Variants in PKD1L3 observed in about 807,000 individuals in gnomAD.
The protein encoded by PKD1L3 is polycystin-1-like protein 3.
PKD1L3 carries 239 observed loss-of-function variants against 184.1 expected under a neutral mutation model. The observed-to-expected ratio is 1.30, with a 90% CI of 1.17 to 1.45. The LOEUF (loss-of-function observed/expected upper bound fraction) is 1.45. Among genes scored for constraint, PKD1L3 ranks in the 40% most tolerant of loss-of-function variants. The probability of loss-of-function intolerance (pLI) is 0.00; values close to 1 mark genes in which losing one functional copy is unlikely to be tolerated. For missense variants in PKD1L3, 2,660 were observed against 2,067.2 expected (o/e 1.29, Z -5.56); for synonymous variants, 996 against 778.8 (o/e 1.28, Z -4.64).
chr16:71,998,816 T>A (rs2040875300), intron 1 of PKD1L3, among the ~76,000 whole-genome samples: 1 of 152,184 alleles, frequency 6.6e-6, no homozygotes, highest in Non-Finnish European at 1.5e-5. Context: ...GATAAAAATG[T>A]AGAATTTCCT....
At chr16:71,975,956 T>TC (rs11380455) in intron 11 of PKD1L3, among the ~76,000 whole-genome samples, 107,895 of 148,624 alleles carry the variant, frequency 0.73, 39,078 homozygotes, top group South Asian at 0.85. Flanking sequence ...CTGTTTCTGT[T>TC]CTTTTTTTTT....
At chr16:71,951,455 C>A in intron 19 of PKD1L3, 109 bp downstream of exon 19, 4 of 1,154,070 alleles carry the variant, frequency 3.5e-6, no homozygotes, top group East Asian at 2.6e-5. Context: ...TTAAAACAAC[C>A]AGAAGGTTGT....
intron 12 of PKD1L3, among the ~76,000 whole-genome samples, chr16:71,972,011 T>C (rs1473658473): frequency 1.3e-5 from 2 of 151,078 alleles, no homozygotes; most frequent in African/African-American, 2.4e-5. Context: ...GGACAGGAGA[T>C]CGAGACCATC....
intron 9 of PKD1L3, among the ~76,000 whole-genome samples, chr16:71,978,833 C>T (rs1253627225): frequency 3.3e-5 from 5 of 152,038 alleles, no homozygotes; most frequent in Non-Finnish European, 5.9e-5. Context: ...AGCTATCATG[C>T]CCAGCCGGAT....
chr16:71,962,616 A>G (rs2039326696), intron 16 of PKD1L3, among the ~76,000 whole-genome samples: 1 of 151,914 alleles, frequency 6.6e-6, no homozygotes, highest in Non-Finnish European at 1.5e-5. Context: ...CCTCCCGAGT[A>G]GCTGGGATCA....
Position 71,967,756 on chromosome 16 carries a change from T to C in PKD1L3, c.2286+150A>G, listed in dbSNP as rs939657911. The stretch of plus-strand genomic sequence containing the variant: ...TTGGGATTACAGGCGTGAACCCCCA[T>C]GTGCGGCCCACATGTACAGTTTAGA... On this transcript the variant is annotated intron_variant, in intron 14 of 29. Transcript: ENST00000620267. The C allele has an allele frequency of 1.7e-5, 12 of 687,108 alleles. No homozygotes were observed. In the African/African-American group the frequency reaches 2.0e-4, roughly 11 times the overall value. The allele number at this position is 687,108 out of a possible 1,614,324, so 42.6% of individuals were successfully genotyped here. A position where few individuals can be genotyped will look rare whatever the true frequency, so the allele number is the denominator to read the frequency against.
intron 6 of PKD1L3, among the ~76,000 whole-genome samples, chr16:71,982,665 TGCCTCACTGCA>T (rs1166967462): frequency 6.6e-6 from 1 of 152,066 alleles, no homozygotes; most frequent in East Asian, 1.9e-4. Flanking sequence ...GGTACAATCA[TGCCTCACTGCA>T]GCCTCGAACT....
chr16:71,992,199 T>C (rs964777997), intron 3 of PKD1L3, among the ~76,000 whole-genome samples: 1 of 152,168 alleles, frequency 6.6e-6, no homozygotes, highest in Non-Finnish European at 1.5e-5. Flanking sequence ...TAAAGGACCC[T>C]ACGTACATAA....
chr16:71,957,031 A>G (rs2039075242), intron 16 of PKD1L3, among the ~76,000 whole-genome samples: 1 of 152,234 alleles, frequency 6.6e-6, no homozygotes, highest in Admixed American at 6.5e-5. Context: ...GTTTTTGTAT[A>G]CTATTGAAAT....
chr16:71,958,125 C>T (rs965334626), intron 16 of PKD1L3, among the ~76,000 whole-genome samples: 9 of 152,056 alleles, frequency 5.9e-5, no homozygotes, highest in South Asian at 2.1e-4. Flanking sequence ...CGGTGGCTCA[C>T]GCCTGTAATC....
In PKD1L3 at chr16:71,991,100, G is replaced by A. The variant is rs147581590; in HGVS notation, c.536-771C>T. The A allele has an allele frequency of 6.3e-3, 1,002 of 158,086 alleles. 9 individuals carry two copies. The highest frequency in any genetic ancestry group is 0.021 in the African/African-American group (875 of 41,746). The allele number at this position is 158,086 out of a possible 1,614,324, so 9.8% of individuals were successfully genotyped here. A position where few individuals can be genotyped will look rare whatever the true frequency, so the allele number is the denominator to read the frequency against. On this transcript the variant is annotated intron_variant, in intron 3 of 29. Coordinates refer to ENST00000620267, the MANE Select transcript of PKD1L3 (RefSeq NM_181536.2). Reference sequence around the variant, plus strand: ...AGATGACAGTGATTGATACAGGGACGACCTTGATTGATACAGCATAAGTAT... The same window carrying A: ...AGATGACAGTGATTGATACAGGGACAACCTTGATTGATACAGCATAAGTAT...
At position 71,942,818 on chromosome 16, in the gene PKD1L3, G is replaced by A. The variant is rs767125264; in HGVS notation, c.4066C>T (p.Pro1356Ser). ...TGTACCCCACATTTGCAATGACTGGGCTCCAGGACTGCATTCTTACCTCTG... is the reference window on the plus strand; with the variant it reads ...TGTACCCCACATTTGCAATGACTGGACTCCAGGACTGCATTCTTACCTCTG... ...DYRGKNAVLE[P>S]SHCKCGVQLI... Residue 1356 changes from proline to serine, a missense_variant, in exon 24 of 30, where the codon CCC becomes TCC. Transcript: ENST00000620267. The A allele has an allele frequency of 1.9e-6, 3 of 1,551,464 alleles. No homozygotes were observed. Among genetic ancestry groups the A allele is most frequent in the Non-Finnish European group, 2.6e-6 (3 of 1,146,948 alleles).
chr16:71,998,504 G>A, intron 1 of PKD1L3, 110 bp from the exon 2 acceptor site: 1 of 1,386,898 alleles, frequency 7.2e-7, no homozygotes, highest in African/African-American at 1.5e-5. Context: ...AAGCTGGAGT[G>A]CAGTGGTGTG....
intron 23 of PKD1L3, among the ~76,000 whole-genome samples, chr16:71,943,536 T>G (rs1487087107): frequency 6.8e-5 from 1 of 14,792 alleles, no homozygotes; most frequent in Non-Finnish European, 1.5e-4. Flanking sequence ...AGACTCCGTC[T>G]CAAAAAAAAA....
At chr16:71,937,234 T>C (rs2038211320) in intron 25 of PKD1L3, 58 bp downstream of exon 25, 3 of 1,504,320 alleles carry the variant, frequency 2.0e-6, no homozygotes, top group Non-Finnish European at 2.7e-6. Context: ...TTTTGTAGTC[T>C]GGTAAAGATG....
In PKD1L3 at chr16:71,987,603, T is replaced by A. The variant is rs568580393; in HGVS notation, c.586-1134A>T. Among the ~76,000 whole-genome samples, 7 of 151,516 alleles carry A rather than the reference T, an allele frequency of 4.6e-5. No individual in the cohort carries two copies. The East Asian group carries it at 7.9e-4, about 17-fold the overall frequency. ...GTTGCCCAGGCTGGTCTCAAACTCC[T>A]GACCTCAAGTGATCCGCCACCTCGG... On this transcript the variant is annotated intron_variant, in intron 4 of 29. Transcript: ENST00000620267.
At chr16:71,966,100 A>G (rs946372315) in intron 15 of PKD1L3, among the ~76,000 whole-genome samples, 18 of 151,954 alleles carry the variant, frequency 1.2e-4, no homozygotes, top group South Asian at 2.1e-4. Flanking sequence ...GGAAAAATGT[A>G]TTTTGCTAAC....
chr16:71,975,588 C>A (rs2143676547), intron 11 of PKD1L3, among the ~76,000 whole-genome samples: 1 of 152,270 alleles, frequency 6.6e-6, no homozygotes, highest in Non-Finnish European at 1.5e-5. Context: ...CTTACTTCTG[C>A]TGTGGGTCTC....
chr16:71,981,687 T>C (rs1026845435), intron 7 of PKD1L3, among the ~76,000 whole-genome samples: 6 of 151,918 alleles, frequency 3.9e-5, no homozygotes, highest in Non-Finnish European at 8.8e-5. Context: ...ATTACAGGCA[T>C]GTACCACAAT....
Sources: allele counts gnomAD v4.1 joint callset (sites outside exome capture counted in the v4.1 genomes callset), GRCh38; gene constraint gnomAD v4.1.1; transcripts MANE v1.5; gene names NCBI Gene and HGNC (gene_info 2026-07-23, HGNC 2026-07-21).